Variants in ENPP6 observed in about 807,000 individuals in gnomAD.
ENPP6 encodes ectonucleotide pyrophosphatase/phosphodiesterase 6.
Under a neutral mutation model 42.0 loss-of-function variants are expected in ENPP6, and 32 were observed. The observed-to-expected ratio is 0.76, with a 90% CI of 0.58 to 1.02. The LOEUF is 1.02. Among genes scored for constraint, ENPP6 ranks in the 50% least tolerant of loss-of-function variants. The pLI, the probability that ENPP6 is intolerant of heterozygous loss-of-function variation, is 0.00. For synonymous variants in ENPP6, 213 were observed against 216.0 expected, an observed-to-expected ratio of 0.99 and a Z score of 0.12; for missense variants, 552 against 566.8, an observed-to-expected ratio of 0.97 and a Z score of 0.27.
rs146827216 is a variant in ENPP6 at position 184,203,376 on chromosome 4, A to G, written c.241+14203T>C. 1.1e-4 allele frequency among the ~76,000 whole-genome samples: 16 copies of G among 152,372 alleles called. No individual in the cohort carries two copies. The East Asian group carries it at 2.3e-3, about 22-fold the overall frequency. ...AATCCGTAACTTTCTCCACTGGACC[A>G]TGCGTAATGGGTTGACTTGTGGCCC... On this transcript the variant is annotated intron_variant, in intron 1 of 7. Transcript: ENST00000296741.
intron 6 of ENPP6, among the ~76,000 whole-genome samples, chr4:184,108,687 A>G (rs999096108): frequency 6.6e-6 from 1 of 152,042 alleles, no homozygotes; most frequent in African/African-American, 2.4e-5. Context: ...CCAGGATAGA[A>G]GTAAAATGAT....
At chr4:184,107,430 C>T (rs180703623) in intron 6 of ENPP6, among the ~76,000 whole-genome samples, 2 of 152,338 alleles carry the variant, frequency 1.3e-5, no homozygotes, top group Admixed American at 1.3e-4. Context: ...GGAAATCCAG[C>T]TGGTTTATTA....
At chr4:184,133,416 T>A (rs577813913) in intron 2 of ENPP6, among the ~76,000 whole-genome samples, 4 of 152,332 alleles carry the variant, frequency 2.6e-5, no homozygotes, top group South Asian at 4.1e-4. Context: ...GACCTTTTAA[T>A]TTTTTCTCAG....
chr4:184,132,668 C>G (rs1054469657), intron 2 of ENPP6, among the ~76,000 whole-genome samples: 1 of 151,720 alleles, frequency 6.6e-6, no homozygotes, highest in Non-Finnish European at 1.5e-5. Flanking sequence ...AACATAGAAG[C>G]CTTATGTTTT....
chr4:184,124,781 A>C (rs1736474935), intron 2 of ENPP6, among the ~76,000 whole-genome samples: 1 of 152,224 alleles, frequency 6.6e-6, no homozygotes, highest in Non-Finnish European at 1.5e-5. Flanking sequence ...CCAAATTGGC[A>C]AGCTAAGAAT....
rs1292316576 is a variant in ENPP6 at position 184,112,656 on chromosome 4, C to A, written c.993+16G>T. 14 of 1,609,398 alleles carry A rather than the reference C, an allele frequency of 8.7e-6. No individual in the cohort carries two copies. Among genetic ancestry groups the A allele is most frequent in the Non-Finnish European group, 1.2e-5 (14 of 1,178,328 alleles). ...AATTTGCATAGAGAATAAATTGGCA[C>A]ATATTTCATAATTACCTCAGTTATG... On this transcript the variant is annotated intron_variant, in intron 6 of 7. Transcript: ENST00000296741.
At chr4:184,158,299 G>T (rs886098947) in intron 1 of ENPP6, among the ~76,000 whole-genome samples, 4 of 152,164 alleles carry the variant, frequency 2.6e-5, no homozygotes, top group African/African-American at 4.8e-5. Context: ...TGAGTAATGG[G>T]TATCGTAACA....
intron 1 of ENPP6, among the ~76,000 whole-genome samples, chr4:184,185,227 C>T (rs2111103538): frequency 6.6e-6 from 1 of 152,282 alleles, no homozygotes; most frequent in African/African-American, 2.4e-5. Context: ...CAGGACAGTC[C>T]TGGTTTACAC....
intron 1 of ENPP6, among the ~76,000 whole-genome samples, chr4:184,213,791 G>A (rs1220783705): frequency 2.7e-5 from 4 of 147,736 alleles, no homozygotes; most frequent in South Asian, 2.2e-4. Flanking sequence ...ACATGCACAC[G>A]TATGTTTATT....
intron 2 of ENPP6, among the ~76,000 whole-genome samples, chr4:184,126,277 T>C (rs1736501488): frequency 6.6e-6 from 1 of 152,232 alleles, no homozygotes; most frequent in African/African-American, 2.4e-5. Context: ...GGCACAGTAA[T>C]ACAGTTCACC....
chr4:184,204,126 C>G (rs1252275380), intron 1 of ENPP6: 2 of 152,220 alleles, frequency 1.3e-5, no homozygotes, highest in Non-Finnish European at 2.9e-5. Context: ...ATCTCCTCTC[C>G]TTATAAAGAT....
chr4:184,147,131 T>C (rs1736940722), intron 2 of ENPP6, among the ~76,000 whole-genome samples: 1 of 152,162 alleles, frequency 6.6e-6, no homozygotes, highest in Admixed American at 6.5e-5. Flanking sequence ...CCCGATTCAG[T>C]GAAGAATCAC....
chr4:184,095,221 C>G (rs561680257), intron 7 of ENPP6, among the ~76,000 whole-genome samples: 38 of 152,310 alleles, frequency 2.5e-4, no homozygotes, highest in African/African-American at 8.7e-4. Context: ...AGACTGGGCG[C>G]TTTTAGTGTT....
chr4:184,132,812 C>CAT (rs985662173), intron 2 of ENPP6, among the ~76,000 whole-genome samples: 1 of 126,588 alleles, frequency 7.9e-6, no homozygotes, highest in Admixed American at 9.7e-5. Context: ...TACATATATA[C>CAT]ATATATACAC....
chr4:184,107,716 A>C (rs1252928052), intron 6 of ENPP6, among the ~76,000 whole-genome samples: 15 of 152,134 alleles, frequency 9.9e-5, no homozygotes, highest in East Asian at 5.8e-4. Context: ...GAGATCGAGA[A>C]CATCCTGGTT....
At chr4:184,205,405 C>T (rs1174262074) in intron 1 of ENPP6, among the ~76,000 whole-genome samples, 1 of 152,220 alleles carries the variant, frequency 6.6e-6, no homozygotes, top group Non-Finnish European at 1.5e-5. Flanking sequence ...CAGCTTGGGC[C>T]TTTCTGGGGA....
chr4:184,207,501 G>T (rs761288527), intron 1 of ENPP6, among the ~76,000 whole-genome samples: 2 of 152,296 alleles, frequency 1.3e-5, no homozygotes, highest in Middle Eastern at 3.4e-3. Flanking sequence ...AAGATCCACG[G>T]TAAGATACAC....
intron 1 of ENPP6, among the ~76,000 whole-genome samples, chr4:184,182,777 T>A (rs185508201): frequency 6.6e-6 from 1 of 152,188 alleles, no homozygotes; most frequent in African/African-American, 2.4e-5. Flanking sequence ...AAACACCACA[T>A]GTTCTCACTT....
chr4:184,115,008 A>G (rs1470743081), intron 5 of ENPP6, among the ~76,000 whole-genome samples: 1 of 151,958 alleles, frequency 6.6e-6, no homozygotes, highest in Non-Finnish European at 1.5e-5. Context: ...AAACAGACAG[A>G]TCTTATAGGG....
Sources: gnomAD v4.1 joint callset for allele counts (sites outside exome capture counted in the v4.1 genomes callset) on GRCh38, gnomAD v4.1.1 for gene constraint, MANE v1.5 for transcripts, NCBI Gene and HGNC (gene_info 2026-07-23, HGNC 2026-07-21) for gene names.